The following GDPD4 variants were observed in gnomAD, a reference collection of about 807,000 sequenced individuals.
GDPD4 encodes glycerophosphodiester phosphodiesterase 6.
Under a neutral mutation model 67.8 loss-of-function variants are expected in GDPD4, and 60 were observed. The observed-to-expected ratio is 0.88, with a 90% confidence interval of 0.72 to 1.10. The LOEUF (loss-of-function observed/expected upper bound fraction) is 1.10. Among genes scored for constraint, GDPD4 ranks in the 50% least tolerant of loss-of-function variants. GDPD4 has a pLI of 0.00. For synonymous variants in GDPD4, 212 were observed against 210.9 expected (o/e 1.00, Z -0.04); for missense variants, 623 against 613.9 (o/e 1.01, Z -0.16).
At chr11:77,223,373 G>T (rs370141198) in intron 16 of GDPD4, among the ~76,000 whole-genome samples, 4 of 151,974 alleles carry the variant, frequency 2.6e-5, no homozygotes, top group Non-Finnish European at 5.9e-5. Context: ...TGGGGTTTTG[G>T]TTATGGATGT....
At chr11:77,229,012 TGAG>T (rs1485238098) in intron 15 of GDPD4, 135 bp downstream of exon 15, 6 of 555,734 alleles carry the variant, frequency 1.1e-5, no homozygotes, top group Non-Finnish European at 1.9e-5. Context: ...GCAGACTACA[TGAG>T]AAGAGAGATT....
At chr11:77,287,053 G>A (rs1960022928) in intron 2 of GDPD4, 165 bp downstream of exon 2, 1 of 152,204 alleles carries the variant, frequency 6.6e-6, no homozygotes, top group Non-Finnish European at 1.5e-5. Context: ...AAGAAAGCAA[G>A]TACATGTTTC....
Position 77,216,928 on chromosome 11 carries a change from G to A in GDPD4, c.*349C>T. ...ATTCAGCCATGGGGATCTCTTAGAG[G>A]TCTCTTATTTAAGGATAGGGGACCT... is the stretch of plus-strand genomic sequence containing the variant. On this transcript the variant is annotated 3_prime_UTR_variant, in exon 17 of 17. Transcript: ENST00000315938. 1 of 701,326 alleles carries A rather than the reference G, an allele frequency of 1.4e-6. No individual in the cohort carries two copies. Among genetic ancestry groups the A allele is most frequent in the Non-Finnish European group, 2.6e-6 (1 of 384,380 alleles). 43.4% of individuals were successfully genotyped at this position (701,326 alleles called of 1,614,324 possible). A position where few individuals can be genotyped will look rare whatever the true frequency, so the allele number is the denominator to read the frequency against.
intron 1 of GDPD4, among the ~76,000 whole-genome samples, chr11:77,299,668 A>C (rs1031289100): frequency 7.9e-5 from 12 of 152,128 alleles, no homozygotes; most frequent in Non-Finnish European, 1.6e-4. Context: ...GTATGTTCTC[A>C]TGGTGTTGGA....
intron 3 of GDPD4, among the ~76,000 whole-genome samples, chr11:77,283,345 G>A (rs1055198922): frequency 3.3e-4 from 51 of 152,294 alleles, no homozygotes; most frequent in African/African-American, 8.2e-4. Context: ...TCATTTTGAT[G>A]ACCAGAGTTT....
chr11:77,276,353 T>G (rs1249198101), intron 4 of GDPD4, 133 bp from the exon 5 acceptor site: 4 of 712,968 alleles, frequency 5.6e-6, no homozygotes, highest in Non-Finnish European at 9.9e-6. Flanking sequence ...TGTACTTTAT[T>G]TAGCCTCTGG....
At chr11:77,255,797 G>A (rs1958991647) in intron 11 of GDPD4, among the ~76,000 whole-genome samples, 1 of 151,468 alleles carries the variant, frequency 6.6e-6, no homozygotes, top group Non-Finnish European at 1.5e-5. Context: ...AACCCGGGAG[G>A]CAGAGGTTGC....
chr11:77,297,501 A>T (rs1272292590), intron 1 of GDPD4, among the ~76,000 whole-genome samples: 1 of 148,306 alleles, frequency 6.7e-6, no homozygotes, highest in Non-Finnish European at 1.5e-5. Context: ...CCACCACTGC[A>T]CTCCAGCCTG....
At chr11:77,243,584 C>T in intron 13 of GDPD4, 110 bp downstream of exon 13, 1 of 944,170 alleles carries the variant, frequency 1.1e-6, no homozygotes, top group Non-Finnish European at 1.7e-6. Context: ...AGGAGATAAC[C>T]ACACACAGAA....
intron 14 of GDPD4, among the ~76,000 whole-genome samples, chr11:77,231,421 C>A (rs917992981): frequency 1.3e-5 from 2 of 152,176 alleles, no homozygotes; most frequent in African/African-American, 4.8e-5. Context: ...ATCAGTCTAA[C>A]TCTGGAGTGT....
intron 11 of GDPD4, among the ~76,000 whole-genome samples, chr11:77,252,172 C>G (rs1958917683): frequency 6.6e-6 from 1 of 150,688 alleles, no homozygotes; most frequent in Non-Finnish European, 1.5e-5. Flanking sequence ...CAAGCATTCT[C>G]CTGTCTCAGC....
chr11:77,287,665 T>C (rs2135890542), intron 1 of GDPD4, among the ~76,000 whole-genome samples: 1 of 152,326 alleles, frequency 6.6e-6, no homozygotes, highest in South Asian at 2.1e-4. Flanking sequence ...ACCTCTAAAG[T>C]GGGACAATAT....
intron 10 of GDPD4, among the ~76,000 whole-genome samples, chr11:77,265,680 A>G (rs1959174875): frequency 6.6e-6 from 1 of 152,130 alleles, no homozygotes; most frequent in African/African-American, 2.4e-5. Flanking sequence ...TTAGTTCTAT[A>G]TTTAGTTTAC....
At chr11:77,220,674 G>A (rs1189749348) in intron 16 of GDPD4, among the ~76,000 whole-genome samples, 1 of 147,850 alleles carries the variant, frequency 6.8e-6, no homozygotes, top group African/African-American at 2.5e-5. Context: ...CTCTTTTTTT[G>A]TTGTGTCTCT....
At position 77,269,905 on chromosome 11, in the gene GDPD4, A is replaced by G; in HGVS notation, c.456T>C (p.Cys152=). The G allele has an allele frequency of 6.3e-7, 1 of 1,585,532 alleles. No individual in the cohort carries two copies. The highest frequency in any genetic ancestry group is 8.7e-7 in the Non-Finnish European group (1 of 1,156,046). The change falls in exon 8 of 17, where the codon TGT becomes TGC. Residue 152 remains cysteine (C), a synonymous_variant. Transcript: ENST00000315938. ...AACCTCTTAACCTTGTGATTACATT[A>G]CATTGCTTGAGTCTTTTTTTCTCAG... ...THSEKKRLKQ[C]NVITRLRGLQ...
intron 1 of GDPD4, among the ~76,000 whole-genome samples, chr11:77,288,958 T>C (rs974081046): frequency 6.6e-6 from 1 of 151,802 alleles, no homozygotes; most frequent in African/African-American, 2.4e-5. Context: ...TAAGGAGATA[T>C]TAGTTCAGAA....
chr11:77,255,889 AAAAAG>A, intron 11 of GDPD4, among the ~76,000 whole-genome samples: 1 of 152,278 alleles, frequency 6.6e-6, no homozygotes, highest in Admixed American at 6.5e-5. Flanking sequence ...ATAAATATAA[AAAAAG>A]AAAACTAAAA....
chr11:77,225,734 G>C (rs1958320511), intron 16 of GDPD4, among the ~76,000 whole-genome samples: 1 of 152,190 alleles, frequency 6.6e-6, no homozygotes, highest in African/African-American at 2.4e-5. Flanking sequence ...GAGGCCTTCT[G>C]GTGGTAGACA....
At chr11:77,295,875 C>T (rs1004426346) in intron 1 of GDPD4, among the ~76,000 whole-genome samples, 1 of 152,174 alleles carries the variant, frequency 6.6e-6, no homozygotes, top group Middle Eastern at 3.2e-3. Context: ...ATGGTACTTA[C>T]ACAATTATAT....
Sources: gnomAD v4.1 joint callset for allele counts (sites outside exome capture counted in the v4.1 genomes callset) on GRCh38, gnomAD v4.1.1 for gene constraint, MANE v1.5 for transcripts, NCBI Gene and HGNC (gene_info 2026-07-23, HGNC 2026-07-21) for gene names.